OXR1: variants seen among roughly 807,000 people sequenced by gnomAD.
OXR1 encodes the protein oxidation resistance 1, also known as oxidation resistance protein 1.
Under a neutral mutation model 104.6 loss-of-function variants are expected in OXR1, and 41 were observed. The observed-to-expected ratio is 0.39, with a 90% CI of 0.31 to 0.51. The LOEUF is 0.51. Among genes scored for constraint, OXR1 ranks in the 20% least tolerant of loss-of-function variants. OXR1 has a pLI of 0.77. For missense variants in OXR1, 955 were observed against 1,031.9 expected, an observed-to-expected ratio of 0.93 and a Z score of 1.02; for synonymous variants, 348 against 348.4, an observed-to-expected ratio of 1.00 and a Z score of 0.01.
intron 11 of OXR1, among the ~76,000 whole-genome samples, chr8:106,724,782 C>G (rs1191551639): frequency 6.6e-6 from 1 of 152,142 alleles, no homozygotes; most frequent in Non-Finnish European, 1.5e-5. Flanking sequence ...AAATCAAGGC[C>G]ACTTCAGGAA....
chr8:106,548,001 C>A (rs1475602272), intron 3 of OXR1, among the ~76,000 whole-genome samples: 2 of 152,156 alleles, frequency 1.3e-5, no homozygotes, highest in Non-Finnish European at 2.9e-5. Flanking sequence ...AGTGGCTTTC[C>A]TGGATCCTAT....
chr8:106,469,581 G>T (rs1305160404), intron 2 of OXR1, among the ~76,000 whole-genome samples: 3 of 151,796 alleles, frequency 2.0e-5, no homozygotes, highest in Non-Finnish European at 4.4e-5. Context: ...TGCTTGGCTA[G>T]GGTTGACAGA....
rs771551743 is a variant in OXR1, at chr8:106,555,153, C to T, written c.220+36014C>T. Reference sequence around the variant, plus strand: ...CATATGCTATTTTGTGTTATTTGATCTACATCTCCCCATTTCTCCCTCTGC... The same window carrying T: ...CATATGCTATTTTGTGTTATTTGATTTACATCTCCCCATTTCTCCCTCTGC... On this transcript the variant is annotated intron_variant, in intron 3 of 16. Transcript: ENST00000517566. 4.7e-4 allele frequency among the ~76,000 whole-genome samples: 71 copies of T among 152,080 alleles called. 1 individual carries two copies. The highest frequency in any genetic ancestry group is 7.4e-5 in the Non-Finnish European group (5 of 68,002).
intron 1 of OXR1, among the ~76,000 whole-genome samples, chr8:106,335,212 T>C (rs1382519971): frequency 1.3e-5 from 2 of 152,120 alleles, no homozygotes; most frequent in African/African-American, 4.8e-5. Flanking sequence ...CACATTACCT[T>C]CTTTAGGAAG....
At chr8:106,711,826 G>A (rs1013897075) in intron 10 of OXR1, among the ~76,000 whole-genome samples, 2 of 152,056 alleles carry the variant, frequency 1.3e-5, no homozygotes, top group Non-Finnish European at 1.5e-5. Context: ...TAGGGAACCT[G>A]AATTTTTATA....
At chr8:106,468,419 C>G (rs546521406) in intron 2 of OXR1, among the ~76,000 whole-genome samples, 1 of 151,606 alleles carries the variant, frequency 6.6e-6, no homozygotes, top group Non-Finnish European at 1.5e-5. Context: ...CACACACACA[C>G]ACAAAAAACA....
At chr8:106,278,522 TA>T (rs961304369) in intron 1 of OXR1, among the ~76,000 whole-genome samples, 44 of 149,262 alleles carry the variant, frequency 2.9e-4, no homozygotes, top group East Asian at 9.8e-4. Context: ...AAATGTATAT[TA>T]AAAAAAAAAA....
At chr8:106,299,904 C>G (rs1220301076) in intron 1 of OXR1, among the ~76,000 whole-genome samples, 1 of 152,058 alleles carries the variant, frequency 6.6e-6, no homozygotes, top group African/African-American at 2.4e-5. Flanking sequence ...GAGACGGACA[C>G]GTTGTAGAAA....
intron 1 of OXR1, among the ~76,000 whole-genome samples, chr8:106,330,435 A>G (rs1644463944): frequency 1.3e-5 from 2 of 151,974 alleles, no homozygotes; most frequent in South Asian, 4.2e-4. Context: ...AAAATTTTCT[A>G]TGCTGTCCCA....
At chr8:106,731,219 T>C (rs1173694941) in intron 11 of OXR1, among the ~76,000 whole-genome samples, 1 of 152,186 alleles carries the variant, frequency 6.6e-6, no homozygotes, top group Non-Finnish European at 1.5e-5. Flanking sequence ...TCAGGTTGTT[T>C]GATATCTTAC....
At chr8:106,657,834 G>A in intron 3 of OXR1, 2 of 1,236,608 alleles carry the variant, frequency 1.6e-6, no homozygotes, top group East Asian at 3.2e-5. Context: ...CAGAGAGAGG[G>A]ACGCCCCCTC....
chr8:106,375,341 T>G (rs1281509819), intron 2 of OXR1, among the ~76,000 whole-genome samples: 1 of 152,266 alleles, frequency 6.6e-6, no homozygotes, highest in Non-Finnish European at 1.5e-5. Flanking sequence ...ACAAATAGTT[T>G]GCTTGCATTG....
chr8:106,557,218 A>C (rs944950308), intron 3 of OXR1, among the ~76,000 whole-genome samples: 4 of 152,224 alleles, frequency 2.6e-5, no homozygotes, highest in African/African-American at 9.6e-5. Flanking sequence ...GCTGATCAAC[A>C]GGATTTAAAG....
At chr8:106,408,019 G>A (rs758133837) in intron 2 of OXR1, among the ~76,000 whole-genome samples, 7 of 152,142 alleles carry the variant, frequency 4.6e-5, no homozygotes, top group Non-Finnish European at 8.8e-5. Context: ...AGGAATGTCT[G>A]GAAATATTTC....
At chr8:106,410,384 T>C (rs1251682546) in intron 2 of OXR1, among the ~76,000 whole-genome samples, 1 of 152,158 alleles carries the variant, frequency 6.6e-6, no homozygotes, top group Admixed American at 6.6e-5. Flanking sequence ...AAGTATCTTT[T>C]ATATGTGAAG....
intron 1 of OXR1, among the ~76,000 whole-genome samples, chr8:106,302,040 C>G (rs1268791177): frequency 6.6e-6 from 1 of 152,060 alleles, no homozygotes; most frequent in Non-Finnish European, 1.5e-5. Context: ...AAAGGAGTAA[C>G]CAAAGAAAGA....
intron 7 of OXR1, among the ~76,000 whole-genome samples, chr8:106,699,207 A>G (rs764605378): frequency 6.6e-6 from 1 of 152,182 alleles, no homozygotes; most frequent in Non-Finnish European, 1.5e-5. Context: ...AACACGAACT[A>G]TTCTTACTGT....
chr8:106,475,960 T>A (rs1473269433), intron 2 of OXR1, among the ~76,000 whole-genome samples: 1 of 150,654 alleles, frequency 6.6e-6, no homozygotes, highest in African/African-American at 2.5e-5. Context: ...TCTATAGAGT[T>A]GTGCACACCC....
At chr8:106,374,089 A>G (rs1478409795) in intron 2 of OXR1, among the ~76,000 whole-genome samples, 1 of 152,188 alleles carries the variant, frequency 6.6e-6, no homozygotes, top group Non-Finnish European at 1.5e-5. Flanking sequence ...CTTAAACATT[A>G]CATAATTGCC....
Sources: gnomAD v4.1 joint callset for allele counts (sites outside exome capture counted in the v4.1 genomes callset) on GRCh38, gnomAD v4.1.1 for gene constraint, MANE v1.5 for transcripts, NCBI Gene and HGNC (gene_info 2026-07-23, HGNC 2026-07-21) for gene names.